Variants in CWH43 observed in about 807,000 individuals in gnomAD.
The protein encoded by CWH43 is cell wall biogenesis 43 C-terminal homolog, also known as PGAP2-interacting protein.
Under a neutral mutation model 85.7 loss-of-function variants are expected in CWH43, and 91 were observed. That is an observed-to-expected ratio of 1.06 (90% confidence interval 0.90 to 1.26). CWH43 has a LOEUF of 1.26. CWH43 is among the 50% of genes most tolerant of loss of function. The pLI is 0.00. For synonymous variants in CWH43, 323 were observed against 293.6 expected (o/e 1.10, Z -1.02); for missense variants, 869 against 839.2 (o/e 1.04, Z -0.44).
intron 8 of CWH43, among the ~76,000 whole-genome samples, chr4:49,014,174 C>T (rs1783456984): frequency 6.6e-6 from 1 of 152,002 alleles, no homozygotes; most frequent in Admixed American, 6.6e-5. Flanking sequence ...TATATTTGGC[C>T]AGGTGCAGTG....
intron 13 of CWH43, among the ~76,000 whole-genome samples, chr4:49,043,165 C>T (rs527752588): frequency 6.6e-6 from 1 of 152,180 alleles, no homozygotes; most frequent in Admixed American, 6.5e-5. Flanking sequence ...AGAGTGATAT[C>T]TATGGAATCA....
intron 15 of CWH43, among the ~76,000 whole-genome samples, chr4:49,059,212 G>T (rs1456294011): frequency 6.6e-6 from 1 of 152,004 alleles, no homozygotes; most frequent in African/African-American, 2.4e-5. Context: ...CTCTCTGATT[G>T]TTCTCCTTGA....
rs74541513 is a variant in CWH43 at position 48,986,554 on chromosome 4, G to A, written c.43+82G>A. On this transcript the variant is annotated intron_variant, in intron 1 of 15. Transcript: ENST00000226432. ...AGAGCCGTGGAGCCAGGCCAGGTTGGCTGAGTTCAGGTAGGAGGAAAAGGG... is the reference window on the plus strand; with the variant it reads ...AGAGCCGTGGAGCCAGGCCAGGTTGACTGAGTTCAGGTAGGAGGAAAAGGG... 1,693 of 1,541,822 alleles carry A rather than the reference G, an allele frequency of 1.1e-3. 17 individuals carry two copies. The African/African-American group carries it at 0.021, about 19-fold the overall frequency.
intron 7 of CWH43, 100 bp downstream of exon 7, chr4:49,004,092 G>A (rs976370500): frequency 2.8e-6 from 3 of 1,065,596 alleles, no homozygotes; most frequent in Non-Finnish European, 3.9e-6. Flanking sequence ...GAAATAAGCA[G>A]GATGATCTAG....
intron 9 of CWH43, among the ~76,000 whole-genome samples, chr4:49,022,989 TG>T (rs1329176030): frequency 1.3e-5 from 2 of 152,204 alleles, no homozygotes; most frequent in African/African-American, 4.8e-5. Context: ...GACAGCTTTT[TG>T]TTTCATTTAT....
chr4:48,986,757 C>T, intron 1 of CWH43: 1 of 1,279,520 alleles, frequency 7.8e-7, no homozygotes, highest in Non-Finnish European at 9.9e-7. Context: ...GCGAATTCTC[C>T]TCGTGTCGGC....
At position 49,050,523 on chromosome 4, in the gene CWH43, G is replaced by A. The variant is rs116213051; in HGVS notation, c.1866-171G>A. On this transcript the variant is annotated intron_variant, in intron 14 of 15. Coordinates refer to ENST00000226432, the MANE Select transcript of CWH43 (RefSeq NM_025087.3). ...TTCTTTATTCATTTATATCATAAAAGCAATATTTTGCCAATATTTAGATTA... is the reference window on the plus strand; with the variant it reads ...TTCTTTATTCATTTATATCATAAAAACAATATTTTGCCAATATTTAGATTA... 1.3e-4 allele frequency among the ~76,000 whole-genome samples: 20 copies of A among 152,232 alleles called. 1 individual carries two copies. Among genetic ancestry groups the A allele is most frequent in the African/African-American group, 4.8e-4 (20 of 41,540 alleles).
At chr4:49,004,140 A>G in intron 7 of CWH43, 148 bp downstream of exon 7, 1 of 671,784 alleles carries the variant, frequency 1.5e-6, no homozygotes, top group Non-Finnish European at 2.4e-6. Flanking sequence ...TTAAAACACA[A>G]AACCTGGAGT....
chr4:48,988,862 GT>G (rs1560482736), intron 2 of CWH43, among the ~76,000 whole-genome samples, 194 bp downstream of exon 2: 1 of 152,142 alleles, frequency 6.6e-6, no homozygotes, highest in African/African-American at 2.4e-5. Context: ...CATTTCCATT[GT>G]TTTTTCCAGA....
chr4:48,991,891 T>A lies in CWH43; in HGVS notation c.357-45T>A. The A allele has an allele frequency of 2.6e-6, 4 of 1,513,298 alleles. No individual in the cohort carries two copies. In the East Asian group the frequency reaches 6.8e-5, roughly 26 times the overall value. 93.7% of individuals were successfully genotyped at this position (1,513,298 alleles called of 1,614,324 possible). ...TGAAATTCATGATGGACATAGTACA[T>A]TGAGTCCACATAAAAAGTGTTTAAA... is the stretch of plus-strand genomic sequence containing the variant. On this transcript the variant is annotated intron_variant, in intron 3 of 15. Coordinates refer to ENST00000226432, the MANE Select transcript of CWH43 (RefSeq NM_025087.3).
At chr4:49,006,814 T>C (rs1375327276) in intron 7 of CWH43, among the ~76,000 whole-genome samples, 2 of 152,158 alleles carry the variant, frequency 1.3e-5, no homozygotes, top group African/African-American at 4.8e-5. Context: ...GTATGATCCA[T>C]TGTGATCCTC....
intron 8 of CWH43, among the ~76,000 whole-genome samples, chr4:49,010,119 G>T (rs1228921436): frequency 6.6e-6 from 1 of 152,130 alleles, no homozygotes; most frequent in Non-Finnish European, 1.5e-5. Context: ...ACTTTTTTTG[G>T]TTGGTAGGCT....
At chr4:49,056,320 G>A (rs1236863706) in intron 15 of CWH43, among the ~76,000 whole-genome samples, 1 of 152,110 alleles carries the variant, frequency 6.6e-6, no homozygotes, top group Non-Finnish European at 1.5e-5. Flanking sequence ...TTCTGAGGAG[G>A]ATTTTGATTA....
intron 12 of CWH43, among the ~76,000 whole-genome samples, chr4:49,033,890 C>G (rs955606265): frequency 3.9e-5 from 6 of 152,160 alleles, no homozygotes; most frequent in African/African-American, 1.4e-4. Flanking sequence ...AAGAGACATA[C>G]TTTAGGAAAA....
rs1402513498 is a variant in CWH43 at position 49,039,432 on chromosome 4, T to G, written c.1803+1252T>G. The stretch of plus-strand genomic sequence containing the variant: ...ATATATACTGATATATATATACACT[T>G]ATATATATATATATATACTATAATG... On this transcript the variant is annotated intron_variant, in intron 13 of 15. Transcript: ENST00000226432. Among the ~76,000 whole-genome samples, 58 of 119,950 alleles carry G rather than the reference T, an allele frequency of 4.8e-4. No homozygotes were observed. The East Asian group carries it at 9.9e-3, about 20-fold the overall frequency. The allele number at this position is 119,950 out of a possible 152,430, so 78.7% of individuals were successfully genotyped here. A position where few individuals can be genotyped will look rare whatever the true frequency, so the allele number is the denominator to read the frequency against.
At chr4:49,011,832 C>T (rs1206167942) in intron 8 of CWH43, among the ~76,000 whole-genome samples, 1 of 152,184 alleles carries the variant, frequency 6.6e-6, no homozygotes, top group African/African-American at 2.4e-5. Context: ...GGGTTTCTGA[C>T]AAAAGATCCG....
chr4:49,053,771 A>T (rs1784869496), intron 15 of CWH43, among the ~76,000 whole-genome samples: 1 of 152,144 alleles, frequency 6.6e-6, no homozygotes, highest in Non-Finnish European at 1.5e-5. Context: ...TTGAGCACTG[A>T]CACAGTGCTC....
intron 11 of CWH43, 61 bp from the exon 12 acceptor site, chr4:49,032,505 C>G: frequency 6.3e-7 from 1 of 1,589,216 alleles, no homozygotes; most frequent in Non-Finnish European, 8.6e-7. Flanking sequence ...TTTGCTTAGT[C>G]CCAGTGCATG....
In CWH43 at chr4:48,991,984, T is replaced by C; in HGVS notation, c.405T>C (p.Val135=). The C allele has an allele frequency of 1.2e-6, 2 of 1,613,978 alleles. No individual in the cohort carries two copies. The highest frequency in any genetic ancestry group is 8.5e-7 in the Non-Finnish European group (1 of 1,179,890). The change falls in exon 4 of 16, where the codon GTT becomes GTC. Residue 135 remains valine (V), a synonymous_variant. Coordinates refer to ENST00000226432, the MANE Select transcript of CWH43 (RefSeq NM_025087.3). The stretch of plus-strand genomic sequence containing the variant: ...TTTTAGGACAGATTGTTCTTGTTGT[T>C]CTACGCATATGGTATACTTCACTAA... The part of the protein sequence containing the change: ...GFILGQIVLV[V]LRIWYTSLNP...
Sources: gnomAD v4.1 joint callset for allele counts (sites outside exome capture counted in the v4.1 genomes callset) on GRCh38, gnomAD v4.1.1 for gene constraint, MANE v1.5 for transcripts, NCBI Gene and HGNC (gene_info 2026-07-23, HGNC 2026-07-21) for gene names.